Variants in CACNA2D3 observed in about 807,000 individuals in gnomAD.
The protein encoded by CACNA2D3 is calcium voltage-gated channel auxiliary subunit alpha2delta 3.
CACNA2D3 carries 60 observed loss-of-function variants against 160.6 expected under a neutral mutation model. The ratio of observed to expected loss-of-function variants is 0.37; its 90% CI spans 0.30 to 0.46. CACNA2D3 has a LOEUF of 0.46. CACNA2D3 is among the 20% of genes least tolerant of loss of function. The pLI is 1.00. For missense variants in CACNA2D3, 1,205 were observed against 1,365.0 expected (o/e 0.88, Z 1.85); for synonymous variants, 558 against 492.9 (o/e 1.13, Z -1.75).
chr3:54,516,526 G>A (rs1701554346), intron 5 of CACNA2D3, among the ~76,000 whole-genome samples: 1 of 152,186 alleles, frequency 6.6e-6, no homozygotes, highest in South Asian at 2.1e-4. Flanking sequence ...GCATAGAGAT[G>A]CAACACACTG....
rs563483906 is a variant in CACNA2D3, at chr3:54,583,585, A to G, written c.963+1708A>G. Among the ~76,000 whole-genome samples, 13 of 152,292 alleles carry G rather than the reference A, an allele frequency of 8.5e-5. No homozygotes were observed. In the South Asian group the frequency reaches 2.5e-3, roughly 29 times the overall value. On this transcript the variant is annotated intron_variant, in intron 9 of 37. Coordinates refer to ENST00000474759, the MANE Select transcript of CACNA2D3 (RefSeq NM_018398.3). The stretch of plus-strand genomic sequence containing the variant: ...TCAGATTTTGGAATATTTGCATTAT[A>G]CTTACGGGTTGAGCATCCCTAATCT...
intron 4 of CACNA2D3, among the ~76,000 whole-genome samples, chr3:54,457,035 G>A (rs1297707949): frequency 6.6e-6 from 1 of 151,508 alleles, no homozygotes; most frequent in Non-Finnish European, 1.5e-5. Flanking sequence ...TTTTCAAAAA[G>A]CCAACTTTTC....
intron 29 of CACNA2D3, 109 bp downstream of exon 29, chr3:54,969,953 A>T: frequency 1.2e-6 from 1 of 807,480 alleles, no homozygotes; most frequent in Non-Finnish European, 1.9e-6. Context: ...GACGCATTGT[A>T]CTGGGCCAAT....
chr3:54,803,053 C>T (rs1470730293), intron 13 of CACNA2D3, among the ~76,000 whole-genome samples: 1 of 152,158 alleles, frequency 6.6e-6, no homozygotes, highest in Non-Finnish European at 1.5e-5. Flanking sequence ...ACCAAAAACC[C>T]ATCTGTACGT....
intron 4 of CACNA2D3, among the ~76,000 whole-genome samples, chr3:54,465,799 T>G (rs567969422): frequency 1.6e-4 from 24 of 152,228 alleles, no homozygotes; most frequent in Non-Finnish European, 3.2e-4. Flanking sequence ...ATTTCCCAAT[T>G]CTATAAGTCA....
chr3:54,747,875 C>T (rs1228919339), intron 11 of CACNA2D3, among the ~76,000 whole-genome samples: 2 of 152,246 alleles, frequency 1.3e-5, no homozygotes, highest in South Asian at 4.2e-4. Flanking sequence ...AAAATGCAGC[C>T]CCCATCACTC....
intron 2 of CACNA2D3, among the ~76,000 whole-genome samples, chr3:54,160,116 G>T (rs950999766): frequency 6.6e-6 from 1 of 152,104 alleles, no homozygotes; most frequent in Non-Finnish European, 1.5e-5. Context: ...TTCTCTTCTG[G>T]CAGTGGTTTT....
At chr3:54,231,154 G>A (rs756414296) in intron 2 of CACNA2D3, among the ~76,000 whole-genome samples, 6 of 152,168 alleles carry the variant, frequency 3.9e-5, no homozygotes, top group Non-Finnish European at 8.8e-5. Context: ...AGAGGATGAG[G>A]GGAGTGCTTT....
chr3:54,371,896 A>G (rs1484476249), intron 3 of CACNA2D3, among the ~76,000 whole-genome samples: 2 of 152,248 alleles, frequency 1.3e-5, no homozygotes, highest in African/African-American at 2.4e-5. Context: ...ACATGTGGAT[A>G]TGTTTAATAT....
chr3:54,800,977 C>G (rs1281527129), intron 13 of CACNA2D3, among the ~76,000 whole-genome samples: 1 of 151,032 alleles, frequency 6.6e-6, no homozygotes, highest in Non-Finnish European at 1.5e-5. Flanking sequence ...TTTAAAATTA[C>G]TGGAATATCT....
At position 54,350,777 on chromosome 3, in the gene CACNA2D3, T is replaced by G. The variant is rs141866666; in HGVS notation, c.321+30219T>G. 3.6e-3 allele frequency among the ~76,000 whole-genome samples: 543 copies of G among 152,256 alleles called. 5 individuals carry two copies. The highest frequency in any genetic ancestry group is 0.012 in the African/African-American group (506 of 41,558). ...AATACTGTGAATTTTGTGGGACATG[T>G]GTTTTCAATGTGTTCTCTACCTGTC... On this transcript the variant is annotated intron_variant, in intron 3 of 37. Transcript: ENST00000474759.
At chr3:54,806,499 A>G (rs1362308836) in intron 13 of CACNA2D3, among the ~76,000 whole-genome samples, 3 of 151,976 alleles carry the variant, frequency 2.0e-5, no homozygotes, top group Non-Finnish European at 4.4e-5. Flanking sequence ...CTTACAAGGG[A>G]TGTGAAGGAC....
chr3:54,590,323 T>C (rs1247252517), intron 9 of CACNA2D3, among the ~76,000 whole-genome samples: 2 of 152,084 alleles, frequency 1.3e-5, no homozygotes, highest in African/African-American at 4.8e-5. Flanking sequence ...AAAAAGCCAA[T>C]ATCAAAAGAA....
intron 26 of CACNA2D3, among the ~76,000 whole-genome samples, chr3:54,897,957 G>A (rs1700229657): frequency 6.6e-6 from 1 of 152,018 alleles, no homozygotes; most frequent in African/African-American, 2.4e-5. Flanking sequence ...ATTCTTTTCA[G>A]GTCTAAGGTT....
intron 29 of CACNA2D3, among the ~76,000 whole-genome samples, chr3:54,981,129 G>T (rs1702497688): frequency 6.6e-6 from 1 of 152,176 alleles, no homozygotes; most frequent in African/African-American, 2.4e-5. Context: ...ACAGTCACAT[G>T]GTTACAAGGT....
intron 11 of CACNA2D3, among the ~76,000 whole-genome samples, chr3:54,647,647 A>AG (rs961120664): frequency 1.8e-4 from 27 of 152,094 alleles, no homozygotes; most frequent in Admixed American, 1.2e-3. Flanking sequence ...GGAACAGACC[A>AG]GGGGGGGCAT....
chr3:54,794,775 T>TA (rs1339571165), intron 13 of CACNA2D3, among the ~76,000 whole-genome samples: 2 of 152,146 alleles, frequency 1.3e-5, no homozygotes, highest in East Asian at 3.9e-4. Flanking sequence ...TGATAATTCT[T>TA]ACTCGTCATC....
chr3:54,336,885 A>C (rs537602620), intron 3 of CACNA2D3, among the ~76,000 whole-genome samples: 1 of 152,222 alleles, frequency 6.6e-6, no homozygotes, highest in Non-Finnish European at 1.5e-5. Context: ...TGCATTTTCT[A>C]TAAACACATG....
At chr3:54,627,674 C>G (rs890160714) in intron 9 of CACNA2D3, 113 bp from the exon 10 acceptor site, 12 of 699,800 alleles carry the variant, frequency 1.7e-5, no homozygotes, top group Non-Finnish European at 2.3e-5. Flanking sequence ...TAAATTATGA[C>G]CGGTTGGATC....
Sources: gnomAD v4.1 joint callset for allele counts (sites outside exome capture counted in the v4.1 genomes callset) on GRCh38, gnomAD v4.1.1 for gene constraint, MANE v1.5 for transcripts, NCBI Gene and HGNC (gene_info 2026-07-23, HGNC 2026-07-21) for gene names.